CLIC5: variants seen among roughly 807,000 people sequenced by gnomAD.
CLIC5 encodes CLIC family member 5, also known as chloride intracellular channel protein 5.
CLIC5 carries 20 observed loss-of-function variants against 24.7 expected under a neutral mutation model. The observed-to-expected ratio is 0.81, with a 90% CI of 0.57 to 1.18. CLIC5 has a LOEUF of 1.18. Among genes scored for constraint, CLIC5 ranks in the 50% most tolerant of loss-of-function variants. The pLI is 0.00. For missense variants in CLIC5, 341 were observed against 326.1 expected, an observed-to-expected ratio of 1.05 and a Z score of -0.35; for synonymous variants, 159 against 135.6, an observed-to-expected ratio of 1.17 and a Z score of -1.20.
intron 1 of CLIC5, among the ~76,000 whole-genome samples, chr6:45,980,637 A>T (rs1765537102): frequency 6.6e-6 from 1 of 152,148 alleles, no homozygotes; most frequent in Admixed American, 6.5e-5. Flanking sequence ...TGTTAAGGGA[A>T]AATGCTAGTG....
intron 1 of CLIC5, among the ~76,000 whole-genome samples, chr6:46,014,055 C>A (rs893478776): frequency 6.6e-6 from 1 of 152,006 alleles, no homozygotes; most frequent in Non-Finnish European, 1.5e-5. Flanking sequence ...TGGGGGGAGT[C>A]CCAGAAACCA....
At chr6:45,952,696 G>A (rs1043010586) in intron 2 of CLIC5, among the ~76,000 whole-genome samples, 9 of 152,156 alleles carry the variant, frequency 5.9e-5, no homozygotes, top group Non-Finnish European at 1.0e-4. Context: ...TACATGCCTG[G>A]TCTACGTCAA....
chr6:46,042,391 A>G (rs1358533893), intron 1 of CLIC5, among the ~76,000 whole-genome samples: 1 of 151,772 alleles, frequency 6.6e-6, no homozygotes. Flanking sequence ...TGTTTTGGGT[A>G]GTTTTTTCTT....
chr6:46,089,713 C>T, the CLIC5 span, among the ~76,000 whole-genome samples: 39 of 152,248 alleles, frequency 2.6e-4, 1 homozygote, highest in Admixed American at 1.0e-3. Flanking sequence ...AACTAAGCCA[C>T]ATCAACTTTC....
intron 1 of CLIC5, among the ~76,000 whole-genome samples, chr6:45,960,082 C>T (rs1435928846): frequency 6.6e-6 from 1 of 152,062 alleles, no homozygotes; most frequent in African/African-American, 2.4e-5. Context: ...CTCTTAAAAC[C>T]CCTGAAAGCC....
At chr6:45,911,444 G>T (rs945888625) in intron 5 of CLIC5, among the ~76,000 whole-genome samples, 2 of 152,160 alleles carry the variant, frequency 1.3e-5, no homozygotes, top group African/African-American at 4.8e-5. Context: ...CCCTTGGGTT[G>T]GGCCAAGTTC....
At chr6:46,058,737 G>A (rs1165018471) in intron 1 of CLIC5, among the ~76,000 whole-genome samples, 3 of 152,038 alleles carry the variant, frequency 2.0e-5, no homozygotes, top group Admixed American at 6.6e-5. Context: ...ATGGCTTCTT[G>A]TACTATAAAG....
the CLIC5 span, among the ~76,000 whole-genome samples, chr6:46,091,102 A>G: frequency 6.6e-6 from 1 of 152,212 alleles, no homozygotes. Context: ...TGATTCACAC[A>G]TCTTCTTTGA....
the CLIC5 span, among the ~76,000 whole-genome samples, chr6:46,098,038 G>A: frequency 6.6e-6 from 1 of 152,214 alleles, no homozygotes; most frequent in Non-Finnish European, 1.5e-5. Context: ...ACTCAGCATG[G>A]AGGAGTGTGC....
intron 1 of CLIC5, among the ~76,000 whole-genome samples, chr6:46,011,416 G>A (rs1303305122): frequency 1.3e-5 from 2 of 152,238 alleles, no homozygotes; most frequent in African/African-American, 2.4e-5. Flanking sequence ...AGGGCTGCAC[G>A]CTGGAGCCAC....
At chr6:46,041,597 CA>C (rs1767810969) in intron 1 of CLIC5, among the ~76,000 whole-genome samples, 1 of 151,928 alleles carries the variant, frequency 6.6e-6, no homozygotes, top group African/African-American at 2.4e-5. Context: ...GTTTCAAAAC[CA>C]AAAAATTAGA....
At chr6:45,981,646 C>A (rs544038315) in intron 1 of CLIC5, among the ~76,000 whole-genome samples, 6 of 152,290 alleles carry the variant, frequency 3.9e-5, no homozygotes, top group African/African-American at 1.4e-4. Context: ...TTTCATATTG[C>A]TGTTCAGTTT....
At chr6:46,080,722 C>T (rs1241807829), upstream of CLIC5, among the ~76,000 whole-genome samples, 1 of 152,180 alleles carries the variant, frequency 6.6e-6, no homozygotes, top group Non-Finnish European at 1.5e-5. Flanking sequence ...CTATTTACTG[C>T]TGAATTTATC....
chr6:46,098,823 T>C, the CLIC5 span, among the ~76,000 whole-genome samples: 1 of 152,136 alleles, frequency 6.6e-6, no homozygotes, highest in Non-Finnish European at 1.5e-5. Context: ...GGAGGGAGGT[T>C]GTGCCTGGCC....
chr6:45,958,472 A>ATG (rs1764739504), intron 1 of CLIC5, among the ~76,000 whole-genome samples: 1 of 139,454 alleles, frequency 7.2e-6, no homozygotes, highest in Non-Finnish European at 1.5e-5. Flanking sequence ...ATATATATAT[A>ATG]TATAAACAGC....
At chr6:46,119,551 G>A in the CLIC5 span, among the ~76,000 whole-genome samples, 9 of 152,206 alleles carry the variant, frequency 5.9e-5, no homozygotes, top group African/African-American at 1.9e-4. Context: ...CTGAGGTACC[G>A]GGTTCATCTC....
chr6:45,952,460 T>G (rs1014342811), intron 2 of CLIC5, among the ~76,000 whole-genome samples: 1 of 152,222 alleles, frequency 6.6e-6, no homozygotes, highest in Non-Finnish European at 1.5e-5. Context: ...TTGCAAATGT[T>G]TTACATGGCC....
At chr6:45,943,602 A>G (rs1429810418) in intron 3 of CLIC5, among the ~76,000 whole-genome samples, 1 of 152,246 alleles carries the variant, frequency 6.6e-6, no homozygotes, top group African/African-American at 2.4e-5. Context: ...TTGATAATGT[A>G]AAGACAGAAA....
chr6:46,025,944 A>G (rs1052150500), intron 1 of CLIC5, among the ~76,000 whole-genome samples: 3 of 152,070 alleles, frequency 2.0e-5, no homozygotes, highest in Non-Finnish European at 4.4e-5. Flanking sequence ...CATGATTGTG[A>G]GTTTCCTGAG....
Sources: allele counts gnomAD v4.1 joint callset (sites outside exome capture counted in the v4.1 genomes callset), GRCh38; gene constraint gnomAD v4.1.1; transcripts MANE v1.5; gene names NCBI Gene and HGNC (gene_info 2026-07-23, HGNC 2026-07-21).